The following ZNF385D variants were observed in gnomAD, a reference collection of about 807,000 sequenced individuals.
ZNF385D encodes zinc finger protein 659.
ZNF385D carries 15 observed loss-of-function variants against 35.8 expected under a neutral mutation model. The ratio of observed to expected loss-of-function variants is 0.42; its 90% CI spans 0.28 to 0.64. ZNF385D has a LOEUF of 0.64. ZNF385D is among the 30% of genes least tolerant of loss of function. ZNF385D has a pLI of 0.23. For synonymous variants in ZNF385D, 212 were observed against 186.8 expected (o/e 1.13, Z -1.10); for missense variants, 474 against 494.6 (o/e 0.96, Z 0.39).
At chr3:21,558,733 T>TA (rs1415908339) in intron 3 of ZNF385D, among the ~76,000 whole-genome samples, 8 of 97,032 alleles carry the variant, frequency 8.2e-5, no homozygotes, top group African/African-American at 4.3e-4. Flanking sequence ...CTAATATTGA[T>TA]AGTGCACTGT....
intron 2 of ZNF385D, among the ~76,000 whole-genome samples, chr3:22,299,907 T>A (rs1702805318): frequency 1.3e-5 from 2 of 151,892 alleles, no homozygotes; most frequent in East Asian, 3.9e-4. Context: ...TCTACAAATT[T>A]AATGCAATAC....
chr3:21,557,040 G>T (rs1205201895), intron 3 of ZNF385D, among the ~76,000 whole-genome samples: 1 of 152,174 alleles, frequency 6.6e-6, no homozygotes, highest in Non-Finnish European at 1.5e-5. Flanking sequence ...CTTTGCTGAA[G>T]TTTTTATCAG....
At chr3:22,329,654 C>T (rs558176640) in intron 2 of ZNF385D, among the ~76,000 whole-genome samples, 2 of 152,236 alleles carry the variant, frequency 1.3e-5, no homozygotes, top group Admixed American at 6.5e-5. Context: ...TTTGCTAGAA[C>T]TTTTGCATAA....
intron 3 of ZNF385D, among the ~76,000 whole-genome samples, chr3:21,901,368 G>A (rs1018414333): frequency 6.6e-6 from 1 of 152,092 alleles, no homozygotes; most frequent in African/African-American, 2.4e-5. Flanking sequence ...CCAAAGTTTG[G>A]AAGCATATAG....
At chr3:21,449,816 A>G (rs1490469590) in intron 4 of ZNF385D, among the ~76,000 whole-genome samples, 1 of 152,174 alleles carries the variant, frequency 6.6e-6, no homozygotes. Context: ...TTGCCCAGGT[A>G]AGAAGCCAGG....
At chr3:21,510,732 T>A in intron 4 of ZNF385D, 129 bp downstream of exon 4, 5 of 1,203,780 alleles carry the variant, frequency 4.2e-6, no homozygotes, top group Non-Finnish European at 5.9e-6. Context: ...CAATTACCAT[T>A]ATACAGAAAG....
At chr3:21,570,681 C>G (rs544330382) in intron 2 of ZNF385D, among the ~76,000 whole-genome samples, 1 of 152,252 alleles carries the variant, frequency 6.6e-6, no homozygotes, top group South Asian at 2.1e-4. Context: ...TCCTAAGTTA[C>G]TGAGGAGCTT....
At chr3:21,776,916 G>T (rs1369268906) in intron 3 of ZNF385D, among the ~76,000 whole-genome samples, 1 of 151,934 alleles carries the variant, frequency 6.6e-6, no homozygotes, top group Non-Finnish European at 1.5e-5. Context: ...TTCCAGAAAA[G>T]TTCCCAGTTC....
At chr3:22,029,647 A>C (rs1446085043) in intron 3 of ZNF385D, among the ~76,000 whole-genome samples, 1 of 152,084 alleles carries the variant, frequency 6.6e-6, no homozygotes, top group Non-Finnish European at 1.5e-5. Context: ...TCTTCCTTTT[A>C]TTTCCTTTTT....
chr3:21,592,169 A>C (rs906893843), intron 2 of ZNF385D, among the ~76,000 whole-genome samples: 1 of 152,142 alleles, frequency 6.6e-6, no homozygotes, highest in African/African-American at 2.4e-5. Flanking sequence ...ATTATGATTT[A>C]TGGTTATTAG....
chr3:22,240,447 C>A (rs1032393226), intron 2 of ZNF385D, among the ~76,000 whole-genome samples: 3 of 151,008 alleles, frequency 2.0e-5, no homozygotes, highest in African/African-American at 4.9e-5. Context: ...CCAGTTCCAG[C>A]CTACATCATG....
intron 2 of ZNF385D, among the ~76,000 whole-genome samples, chr3:22,362,446 T>C (rs1696457141): frequency 6.6e-6 from 1 of 152,054 alleles, no homozygotes; most frequent in Non-Finnish European, 1.5e-5. Context: ...TTTTCTAAGG[T>C]CAAACTCTTC....
intron 1 of ZNF385D, among the ~76,000 whole-genome samples, chr3:21,674,997 C>T (rs981624324): frequency 1.3e-5 from 2 of 151,996 alleles, no homozygotes; most frequent in African/African-American, 4.8e-5. Flanking sequence ...TGAATCATCA[C>T]AGCCTGCTGA....
intron 2 of ZNF385D, among the ~76,000 whole-genome samples, chr3:22,317,408 A>G (rs543554235): frequency 4.5e-4 from 68 of 152,106 alleles, no homozygotes; most frequent in Non-Finnish European, 4.0e-4. Context: ...TGGAAAATAA[A>G]AGAGACTGGG....
chr3:21,898,022 A>G (rs1016409870), intron 3 of ZNF385D, among the ~76,000 whole-genome samples: 1 of 152,174 alleles, frequency 6.6e-6, no homozygotes, highest in African/African-American at 2.4e-5. Flanking sequence ...TTTTATAAAC[A>G]TAGAAAGATG....
intron 3 of ZNF385D, among the ~76,000 whole-genome samples, chr3:21,937,160 T>C (rs557686899): frequency 3.5e-4 from 53 of 152,244 alleles, no homozygotes; most frequent in African/African-American, 1.2e-3. Flanking sequence ...AAAGTTCAAA[T>C]ACTTCAATCA....
At chr3:21,687,484 C>A (rs1020652252) in intron 1 of ZNF385D, among the ~76,000 whole-genome samples, 11 of 152,072 alleles carry the variant, frequency 7.2e-5, no homozygotes, top group African/African-American at 2.4e-4. Context: ...CATATACCCT[C>A]GGCCGCTACA....
At chr3:22,067,816 G>T (rs775378281) in intron 3 of ZNF385D, among the ~76,000 whole-genome samples, 1 of 152,146 alleles carries the variant, frequency 6.6e-6, no homozygotes, top group Non-Finnish European at 1.5e-5. Flanking sequence ...GAGGTCAAGA[G>T]ATCGAGACCA....
intron 1 of ZNF385D, among the ~76,000 whole-genome samples, chr3:21,725,682 ATAGT>A (rs1335243359): frequency 6.6e-6 from 1 of 152,206 alleles, no homozygotes; most frequent in Non-Finnish European, 1.5e-5. Flanking sequence ...AAATTGATGA[ATAGT>A]TAATAGCCTA....
Sources: gnomAD v4.1 joint callset for allele counts (sites outside exome capture counted in the v4.1 genomes callset) on GRCh38, gnomAD v4.1.1 for gene constraint, MANE v1.5 for transcripts, NCBI Gene and HGNC (gene_info 2026-07-23, HGNC 2026-07-21) for gene names.